The following MRO variants were observed in gnomAD, a reference collection of about 807,000 sequenced individuals.
The protein encoded by MRO is protein maestro.
MRO carries 28 observed loss-of-function variants against 31.0 expected under a neutral mutation model. The ratio of observed to expected loss-of-function variants is 0.90; its 90% CI spans 0.67 to 1.24. The LOEUF is 1.24. MRO is among the 50% of genes most tolerant of loss of function. The probability of loss-of-function intolerance (pLI) is 0.00; values close to 1 mark genes in which losing one functional copy is unlikely to be tolerated. For synonymous variants in MRO, 108 were observed against 108.4 expected, an observed-to-expected ratio of 1.00 and a Z score of 0.02; for missense variants, 332 against 289.2, an observed-to-expected ratio of 1.15 and a Z score of -1.07.
intron 2 of MRO, 93 bp downstream of exon 2, chr18:50,819,487 AC>A: frequency 6.6e-7 from 1 of 1,505,982 alleles, no homozygotes; most frequent in Non-Finnish European, 8.9e-7. Flanking sequence ...CATACTGGTG[AC>A]CAGAGTGACA....
Position 50,809,406 on chromosome 18 carries a change from TA to T in MRO, c.-4-3del. The stretch of plus-strand genomic sequence containing the variant: ...CTCCTCTGTCTTTGGTCCATGGAAC[TA>T]AAAACAAAACAAAACAAAATCACAT... On this transcript the variant is annotated splice_polypyrimidine_tract_variant and splice_region_variant and intron_variant, in intron 2 of 7. Coordinates refer to ENST00000398439, the MANE Select transcript of MRO (RefSeq NM_031939.6). The T allele has an allele frequency of 6.2e-7, 1 of 1,606,038 alleles. No individual in the cohort carries two copies.
At chr18:50,814,392 G>C (rs1914723715) in intron 2 of MRO, 1 of 153,756 alleles carries the variant, frequency 6.5e-6, no homozygotes, top group African/African-American at 2.4e-5. Context: ...GGGGAGGAGA[G>C]CCATGACCCA....
At chr18:50,821,126 A>G (rs1374476824), upstream of MRO, among the ~76,000 whole-genome samples, 1 of 152,252 alleles carries the variant, frequency 6.6e-6, no homozygotes, top group Admixed American at 6.5e-5. Flanking sequence ...CAGCAAGGTC[A>G]GGCAAAAGCA....
At chr18:50,808,336 A>G (rs1191224285) in intron 3 of MRO, among the ~76,000 whole-genome samples, 2 of 152,184 alleles carry the variant, frequency 1.3e-5, no homozygotes, top group Non-Finnish European at 2.9e-5. Flanking sequence ...AAAGGGGCCT[A>G]GAGGGGCAGA....
intron 1 of MRO, among the ~76,000 whole-genome samples, chr18:50,825,156 A>G (rs902513455): frequency 6.6e-6 from 1 of 152,104 alleles, no homozygotes; most frequent in Non-Finnish European, 1.5e-5. Context: ...CTCCCACACC[A>G]TCACCAACAC....
intron 2 of MRO, chr18:50,815,267 A>T: frequency 3.9e-6 from 1 of 254,642 alleles, no homozygotes; most frequent in Non-Finnish European, 8.0e-6. Flanking sequence ...AGGTCATGGA[A>T]GTGGATCTGG....
At chr18:50,821,615 A>G (rs1434252333), upstream of MRO, among the ~76,000 whole-genome samples, 1 of 152,220 alleles carries the variant, frequency 6.6e-6, no homozygotes, top group East Asian at 1.9e-4. Flanking sequence ...GTGAATCAGA[A>G]CTGAAATTTA....
At chr18:50,804,909 A>G (rs1250575403) in intron 5 of MRO, among the ~76,000 whole-genome samples, 1 of 151,906 alleles carries the variant, frequency 6.6e-6, no homozygotes, top group East Asian at 2.0e-4. Context: ...CTCCTGCCTC[A>G]GCCTCCCGAC....
intron 2 of MRO, among the ~76,000 whole-genome samples, chr18:50,813,609 C>G (rs1220676026): frequency 6.6e-6 from 1 of 152,190 alleles, no homozygotes; most frequent in African/African-American, 2.4e-5. Context: ...CTTGGAGAAC[C>G]ACTGCATTAA....
At chr18:50,820,449 T>G (rs1240852370), upstream of MRO, among the ~76,000 whole-genome samples, 1 of 152,212 alleles carries the variant, frequency 6.6e-6, no homozygotes, top group African/African-American at 2.4e-5. Flanking sequence ...CATAAATCTA[T>G]TTAACAATAA....
At chr18:50,804,489 G>A (rs928781126) in intron 5 of MRO, among the ~76,000 whole-genome samples, 19 of 152,028 alleles carry the variant, frequency 1.2e-4, no homozygotes, top group Admixed American at 2.6e-4. Flanking sequence ...AGCCAGCTGC[G>A]GTGGCATGTG....
At chr18:50,822,151 A>G (rs892718879), upstream of MRO, among the ~76,000 whole-genome samples, 1 of 152,236 alleles carries the variant, frequency 6.6e-6, no homozygotes, top group Non-Finnish European at 1.5e-5. Flanking sequence ...TTCATTCTCA[A>G]TTAACATTTC....
chr18:50,795,777 T>G lies in MRO; in HGVS notation c.*3560A>C, dbSNP rs1242981638. ...CAACATGGTGAAACCCCGTCTCTAC[T>G]AAAAACACAAAAATTAGCCAGCCAT... On this transcript the variant is annotated 3_prime_UTR_variant, in exon 8 of 8. Coordinates refer to ENST00000398439, the MANE Select transcript of MRO (RefSeq NM_031939.6). The G allele has an allele frequency of 6.6e-6, 1 of 152,292 alleles. No individual in the cohort carries two copies. The highest frequency in any genetic ancestry group is 1.5e-5 in the Non-Finnish European group (1 of 68,224). 9.4% of individuals were successfully genotyped at this position (152,292 alleles called of 1,614,324 possible). A position where few individuals can be genotyped will look rare whatever the true frequency, so the allele number is the denominator to read the frequency against.
intron 6 of MRO, 90 bp from the exon 7 acceptor site, chr18:50,800,233 TG>T: frequency 1.2e-6 from 1 of 869,238 alleles, no homozygotes. Context: ...ACCCAATCTG[TG>T]GTCAGGGGCC....
chr18:50,806,714 G>A lies in MRO; in HGVS notation c.236C>T (p.Ala79Val), dbSNP rs1913974480. ...ACTCTCCTTCCCTACCTTGTCAGGG[G>A]CTTCATAGGCCATGGTTCCCAAGTT... ...MRNLGTMAYE[A>V]PDKVRKYKKI... The change falls in exon 4 of 8, where the codon GCC becomes GTC. Residue 79 changes from alanine to valine, a missense_variant. Physicochemically the swap from Ala to Val is moderately conservative, Grantham distance 64. Transcript: ENST00000398439. 5 of 1,614,164 alleles carry A rather than the reference G, an allele frequency of 3.1e-6. No individual in the cohort carries two copies. The highest frequency in any genetic ancestry group is 1.6e-4 in the Middle Eastern group (1 of 6,062).
intron 3 of MRO, among the ~76,000 whole-genome samples, chr18:50,807,118 T>A (rs1914019877): frequency 6.6e-6 from 1 of 152,134 alleles, no homozygotes; most frequent in African/African-American, 2.4e-5. Context: ...CTAGAGCAGC[T>A]ATGGGTGTGA....
upstream of MRO, among the ~76,000 whole-genome samples, chr18:50,822,688 C>G (rs1915348988): frequency 8.1e-6 from 1 of 122,822 alleles, no homozygotes; most frequent in Non-Finnish European, 1.7e-5. Flanking sequence ...GGAAATACAT[C>G]CCCCGCCCCC....
intron 2 of MRO, among the ~76,000 whole-genome samples, chr18:50,810,025 G>A (rs1180773108): frequency 6.6e-6 from 1 of 152,188 alleles, no homozygotes; most frequent in Non-Finnish European, 1.5e-5. Flanking sequence ...GAGTGCAGTG[G>A]CAGGAACACA....
At chr18:50,815,113 C>A in intron 2 of MRO, 1 of 220,566 alleles carries the variant, frequency 4.5e-6, no homozygotes, top group Non-Finnish European at 9.3e-6. Context: ...GAGTGGAAAA[C>A]AGAGAGGATT....
Sources: gnomAD v4.1 joint callset for allele counts (sites outside exome capture counted in the v4.1 genomes callset) on GRCh38, gnomAD v4.1.1 for gene constraint, MANE v1.5 for transcripts, NCBI Gene and HGNC (gene_info 2026-07-23, HGNC 2026-07-21) for gene names.